ITPR1: variants seen among roughly 807,000 people sequenced by gnomAD.
ITPR1 encodes the protein inositol 1,4,5-trisphosphate receptor type 1.
A neutral mutation model predicts 318.4 loss-of-function variants in ITPR1; 96 were observed. The ratio of observed to expected loss-of-function variants is 0.30; its 90% CI spans 0.26 to 0.36. The LOEUF is 0.36. Among genes scored for constraint, ITPR1 ranks in the 10% least tolerant of loss-of-function variants. The probability of loss-of-function intolerance (pLI) is 1.00; values close to 1 mark genes in which losing one functional copy is unlikely to be tolerated. For synonymous variants in ITPR1, 1,312 were observed against 1,289.9 expected (o/e 1.02, Z -0.37); for missense variants, 2,440 against 3,460.2 (o/e 0.71, Z 7.40).
At chr3:4,659,520 C>CA (rs1025361300) in intron 13 of ITPR1, among the ~76,000 whole-genome samples, 14 of 151,400 alleles carry the variant, frequency 9.2e-5, no homozygotes, top group African/African-American at 2.9e-4. Flanking sequence ...CCCGACTCTA[C>CA]AAAAAAAATG....
intron 42 of ITPR1, among the ~76,000 whole-genome samples, chr3:4,729,693 A>G (rs1007447256): frequency 5.3e-5 from 8 of 152,124 alleles, no homozygotes; most frequent in African/African-American, 1.9e-4. Context: ...TGGTTTAATT[A>G]CTCCACATCA....
intron 40 of ITPR1, among the ~76,000 whole-genome samples, chr3:4,718,979 A>G (rs2041957816): frequency 6.6e-6 from 1 of 152,184 alleles, no homozygotes; most frequent in Non-Finnish European, 1.5e-5. Flanking sequence ...CTTAAGTACA[A>G]ATGAAGTCGG....
chr3:4,498,036 GA>G, intron 2 of ITPR1, among the ~76,000 whole-genome samples: 1 of 152,288 alleles, frequency 6.6e-6, no homozygotes, highest in African/African-American at 2.4e-5. Context: ...ATTGCTGGGG[GA>G]GATAGAAGAC....
intron 4 of ITPR1, among the ~76,000 whole-genome samples, chr3:4,539,579 G>A (rs983219486): frequency 1.3e-5 from 2 of 152,062 alleles, no homozygotes; most frequent in African/African-American, 4.8e-5. Flanking sequence ...AACTGTATAC[G>A]GTGCTATGGC....
intron 28 of ITPR1, 104 bp downstream of exon 28, chr3:4,683,902 T>G: frequency 9.6e-7 from 1 of 1,046,178 alleles, no homozygotes; most frequent in Non-Finnish European, 1.4e-6. Context: ...GGATTTATTT[T>G]CAAGAGATCT....
rs2050091406 is a variant in ITPR1 at position 4,826,564 on chromosome 3, C to G, written c.8028+8322C>G. On this transcript the variant is annotated intron_variant, in intron 60 of 61. Coordinates refer to ENST00000649015, the MANE Select transcript of ITPR1 (RefSeq NM_001378452.1). The surrounding 1 kb of genome is among the most constrained non-coding windows in gnomAD (Gnocchi z 4.2). ...CGCCCAGCCAGCCAGCCAGGCCTCT[C>G]TCACCCCACCCTGTGCACTTGGGCT... is the stretch of plus-strand genomic sequence containing the variant. Among the ~76,000 whole-genome samples the G allele has an allele frequency of 1.3e-5, 2 of 152,204 alleles. No individual in the cohort carries two copies.
At chr3:4,550,784 G>T (rs2085485994) in intron 4 of ITPR1, among the ~76,000 whole-genome samples, 1 of 152,078 alleles carries the variant, frequency 6.6e-6, no homozygotes, top group South Asian at 2.1e-4. Context: ...GGAGGCTAAG[G>T]CAGGAGGCTC....
intron 23 of ITPR1, among the ~76,000 whole-genome samples, chr3:4,676,209 G>A (rs563298330): frequency 6.6e-6 from 1 of 151,956 alleles, no homozygotes; most frequent in South Asian, 2.1e-4. Context: ...GCTGGGTGTG[G>A]TGATGCATGC....
Position 4,816,538 on chromosome 3 carries a change from C to T in ITPR1, c.7867+1320C>T, listed in dbSNP as rs1290461132. Among the ~76,000 whole-genome samples the T allele has an allele frequency of 3.3e-5, 5 of 152,296 alleles. 1 individual carries two copies. In the East Asian group the frequency reaches 5.8e-4, roughly 18 times the overall value. ...AGTAGCTAGGATTACAGGTGCCTCT[C>T]ACCACAACTGGCTGATTTTTTGTAT... On this transcript the variant is annotated intron_variant, in intron 59 of 61. Coordinates refer to ENST00000649015, the MANE Select transcript of ITPR1 (RefSeq NM_001378452.1).
chr3:4,783,417 G>A (rs1007726895), intron 50 of ITPR1, among the ~76,000 whole-genome samples: 1 of 152,058 alleles, frequency 6.6e-6, no homozygotes, highest in Non-Finnish European at 1.5e-5. Flanking sequence ...CGAGGTTGGT[G>A]GGCCCCTGTT....
intron 60 of ITPR1, among the ~76,000 whole-genome samples, chr3:4,821,399 A>T (rs530943906): frequency 6.6e-6 from 1 of 152,178 alleles, no homozygotes; most frequent in Non-Finnish European, 1.5e-5. Context: ...CTCAGATGCC[A>T]CTCGGGCAGG....
At chr3:4,745,535 G>A (rs1021180019) in intron 44 of ITPR1, among the ~76,000 whole-genome samples, 2 of 152,140 alleles carry the variant, frequency 1.3e-5, no homozygotes, top group East Asian at 1.9e-4. Context: ...TTTCCTAGTG[G>A]TAAACACAGG....
At chr3:4,531,325 A>T (rs944727749) in intron 4 of ITPR1, among the ~76,000 whole-genome samples, 6 of 152,188 alleles carry the variant, frequency 3.9e-5, no homozygotes, top group Non-Finnish European at 8.8e-5. Context: ...TTGAATGATG[A>T]CGTTTTAGAT....
chr3:4,716,038 A>G (rs964178411), intron 39 of ITPR1, among the ~76,000 whole-genome samples: 2 of 152,222 alleles, frequency 1.3e-5, no homozygotes, highest in African/African-American at 4.8e-5. Flanking sequence ...AAATATTAAA[A>G]TTATCACCAA....
chr3:4,592,335 T>A lies in ITPR1; in HGVS notation c.164-35428T>A, dbSNP rs566948246. On this transcript the variant is annotated intron_variant, in intron 4 of 61. Transcript: ENST00000649015. ...TTGTCTTTTAGTTCTAACACATTGA[T>A]GGTATTCATTGTACGTAAACATTTG... Among the ~76,000 whole-genome samples the A allele has an allele frequency of 3.9e-5, 6 of 152,354 alleles. No individual in the cohort carries two copies. In the South Asian group the frequency reaches 1.2e-3, roughly 32 times the overall value.
intron 55 of ITPR1, among the ~76,000 whole-genome samples, chr3:4,810,494 T>C (rs1375934806): frequency 2.6e-5 from 4 of 152,232 alleles, no homozygotes; most frequent in African/African-American, 9.6e-5. Context: ...GTGAAGGCAC[T>C]GTGACCTGCA....
At chr3:4,726,497 A>C (rs562997134) in intron 41 of ITPR1, among the ~76,000 whole-genome samples, 1 of 152,362 alleles carries the variant, frequency 6.6e-6, no homozygotes, top group South Asian at 2.1e-4. Flanking sequence ...CCAAAATCAC[A>C]GTAGTTCAAG....
intron 33 of ITPR1, 33 bp downstream of exon 33, chr3:4,693,774 G>A (rs370953917): frequency 3.2e-5 from 51 of 1,590,432 alleles, no homozygotes; most frequent in African/African-American, 2.5e-4. Flanking sequence ...TGCCCTTCTC[G>A]TTGCTATGTG....
intron 61 of ITPR1, among the ~76,000 whole-genome samples, chr3:4,837,477 GTGAACAATATAGACATACTCCC>G (rs1369452042): frequency 2.0e-5 from 3 of 152,030 alleles, no homozygotes; most frequent in Non-Finnish European, 2.9e-5. Flanking sequence ...GGATAAAACA[GTGAACAATATAGACATACTCCC>G]TGATCTCACA....
Sources: gnomAD v4.1 joint callset for allele counts (sites outside exome capture counted in the v4.1 genomes callset) on GRCh38, gnomAD v4.1.1 for gene constraint, Gnocchi (gnomAD v3.1) non-coding constraint, MANE v1.5 for transcripts, NCBI Gene and HGNC (gene_info 2026-07-23, HGNC 2026-07-21) for gene names.